The following ULK4 variants were observed in gnomAD, a reference collection of about 807,000 sequenced individuals.
ULK4 encodes the protein inactive serine/threonine-protein kinase ULK4.
A neutral mutation model predicts 160.6 loss-of-function variants in ULK4; 133 were observed. The observed-to-expected ratio is 0.83, with a 90% CI of 0.72 to 0.96. The LOEUF (loss-of-function observed/expected upper bound fraction) is 0.96, where lower values mean the gene tolerates loss of function less well. Among genes scored for constraint, ULK4 ranks in the 40% least tolerant of loss-of-function variants. The probability of loss-of-function intolerance (pLI) is 0.00; values close to 1 mark genes in which losing one functional copy is unlikely to be tolerated. For synonymous variants in ULK4, 534 were observed against 539.8 expected, an observed-to-expected ratio of 0.99 and a Z score of 0.15; for missense variants, 1,580 against 1,499.5, an observed-to-expected ratio of 1.05 and a Z score of -0.89.
intron 34 of ULK4, among the ~76,000 whole-genome samples, chr3:41,417,795 G>A (rs1328114708): frequency 1.3e-5 from 2 of 152,076 alleles, no homozygotes; most frequent in Non-Finnish European, 2.9e-5. Flanking sequence ...AAGGCAAAAG[G>A]GAGGCTGGGA....
intron 22 of ULK4, among the ~76,000 whole-genome samples, chr3:41,745,382 T>A (rs560176365): frequency 6.6e-6 from 1 of 151,366 alleles, no homozygotes; most frequent in East Asian, 1.9e-4. Context: ...AGAAAAAAAA[T>A]TTAATAACAC....
intron 35 of ULK4, among the ~76,000 whole-genome samples, chr3:41,297,292 G>T (rs372607141): frequency 2.0e-5 from 3 of 152,176 alleles, no homozygotes; most frequent in South Asian, 2.1e-4. Context: ...ATCACTGGGC[G>T]GGGGGTTGGA....
intron 22 of ULK4, among the ~76,000 whole-genome samples, chr3:41,719,652 C>A (rs533974213): frequency 6.6e-6 from 1 of 152,266 alleles, no homozygotes; most frequent in African/African-American, 2.4e-5. Flanking sequence ...CACTCCAAAC[C>A]AATAGCAAGC....
chr3:41,248,900 C>T (rs1575350623), intron 36 of ULK4, among the ~76,000 whole-genome samples: 1 of 152,364 alleles, frequency 6.6e-6, no homozygotes, highest in East Asian at 1.9e-4. Flanking sequence ...ATGTTCTAGA[C>T]ACACTGACTG....
chr3:41,452,721 C>A (rs1233732656), intron 34 of ULK4, among the ~76,000 whole-genome samples: 1 of 152,030 alleles, frequency 6.6e-6, no homozygotes, highest in African/African-American at 2.4e-5. Flanking sequence ...AGGTTATCAT[C>A]CTTAGGATGA....
At chr3:41,452,267 C>G (rs1358086832) in intron 34 of ULK4, among the ~76,000 whole-genome samples, 1 of 152,210 alleles carries the variant, frequency 6.6e-6, no homozygotes, top group Admixed American at 6.5e-5. Context: ...GTCTGCATTT[C>G]AAGTTTCATC....
chr3:41,497,646 T>TTTTAAATG (rs1332935080), intron 32 of ULK4, among the ~76,000 whole-genome samples: 2 of 152,156 alleles, frequency 1.3e-5, no homozygotes, highest in African/African-American at 4.8e-5. Flanking sequence ...AATAAGGACA[T>TTTTAAATG]TCCATATTGA....
At chr3:41,631,523 G>C (rs1005761394) in intron 30 of ULK4, among the ~76,000 whole-genome samples, 1 of 152,134 alleles carries the variant, frequency 6.6e-6, no homozygotes, top group Non-Finnish European at 1.5e-5. Context: ...TTAAAAATAT[G>C]GATTTTAGTA....
intron 22 of ULK4, among the ~76,000 whole-genome samples, chr3:41,750,506 C>A (rs1333568228): frequency 6.6e-6 from 1 of 152,150 alleles, no homozygotes; most frequent in East Asian, 1.9e-4. Flanking sequence ...GTTTCCATGT[C>A]TTTGCCACCT....
intron 21 of ULK4, among the ~76,000 whole-genome samples, chr3:41,769,913 C>T (rs763727575): frequency 6.6e-6 from 1 of 152,114 alleles, no homozygotes; most frequent in East Asian, 1.9e-4. Context: ...CAACTGATAA[C>T]AGCCTGAAAG....
chr3:41,537,176 C>A (rs2086532463), intron 32 of ULK4, among the ~76,000 whole-genome samples: 1 of 139,508 alleles, frequency 7.2e-6, no homozygotes. Flanking sequence ...TATCTTGAAA[C>A]CCTTCACCCC....
intron 32 of ULK4, among the ~76,000 whole-genome samples, chr3:41,520,603 A>G (rs1288094910): frequency 2.0e-5 from 3 of 152,166 alleles, no homozygotes; most frequent in Admixed American, 2.0e-4. Context: ...ATCATATGTA[A>G]TTCCTTATTT....
At chr3:41,255,778 T>C (rs923016712) in intron 35 of ULK4, among the ~76,000 whole-genome samples, 1 of 152,322 alleles carries the variant, frequency 6.6e-6, no homozygotes, top group East Asian at 1.9e-4. Flanking sequence ...TCCACAATCA[T>C]GGTGACATAC....
chr3:41,777,301 A>T, intron 21 of ULK4, among the ~76,000 whole-genome samples: 1 of 76,548 alleles, frequency 1.3e-5, no homozygotes, highest in Non-Finnish European at 2.2e-5. Context: ...TGTCTATTTG[A>T]TTCTTCTCTC....
At chr3:41,547,433 C>A (rs2086901135) in intron 32 of ULK4, among the ~76,000 whole-genome samples, 1 of 152,128 alleles carries the variant, frequency 6.6e-6, no homozygotes, top group African/African-American at 2.4e-5. Flanking sequence ...CCAGGATCAA[C>A]TTGGAGCCCA....
intron 9 of ULK4, among the ~76,000 whole-genome samples, chr3:41,911,950 T>G (rs1161704789): frequency 1.3e-5 from 2 of 152,064 alleles, no homozygotes; most frequent in African/African-American, 4.8e-5. Context: ...CTCAGGAGTT[T>G]GAGACCAGCC....
chr3:41,477,952 T>C (rs2084196480), intron 32 of ULK4, among the ~76,000 whole-genome samples: 1 of 152,252 alleles, frequency 6.6e-6, no homozygotes, highest in Admixed American at 6.5e-5. Flanking sequence ...TCACCTAGGT[T>C]GGCATAAGTG....
At chr3:41,627,023 C>G (rs2033547004) in intron 30 of ULK4, among the ~76,000 whole-genome samples, 1 of 152,150 alleles carries the variant, frequency 6.6e-6, no homozygotes, top group Non-Finnish European at 1.5e-5. Context: ...AGATTAACTT[C>G]ATTTATATTC....
At chr3:41,915,692 T>C (rs1698943019) in intron 8 of ULK4, among the ~76,000 whole-genome samples, 1 of 152,212 alleles carries the variant, frequency 6.6e-6, no homozygotes, top group South Asian at 2.1e-4. Context: ...TTGGGAGTTA[T>C]AAGAAAATTT....
Sources: allele counts gnomAD v4.1 joint callset (sites outside exome capture counted in the v4.1 genomes callset), GRCh38; gene constraint gnomAD v4.1.1; transcripts MANE v1.5; gene names NCBI Gene and HGNC (gene_info 2026-07-23, HGNC 2026-07-21).